CDH12: variants seen among roughly 807,000 people sequenced by gnomAD.
CDH12 encodes the protein cadherin 12.
CDH12 carries 41 observed loss-of-function variants against 74.1 expected under a neutral mutation model. The ratio of observed to expected loss-of-function variants is 0.55; its 90% CI spans 0.43 to 0.72. CDH12 has a LOEUF of 0.72. CDH12 is among the 30% of genes least tolerant of loss of function. The pLI is 0.00. For missense variants in CDH12, 945 were observed against 977.2 expected, an observed-to-expected ratio of 0.97 and a Z score of 0.44; for synonymous variants, 399 against 355.0, an observed-to-expected ratio of 1.12 and a Z score of -1.39.
At chr5:22,842,743 A>C (rs1378812116) in intron 1 of CDH12, among the ~76,000 whole-genome samples, 1 of 152,136 alleles carries the variant, frequency 6.6e-6, no homozygotes, top group Non-Finnish European at 1.5e-5. Context: ...CCAGAAACAA[A>C]GAAAGGTTGG....
At chr5:21,819,595 T>A (rs1748252368) in intron 8 of CDH12, among the ~76,000 whole-genome samples, 1 of 151,846 alleles carries the variant, frequency 6.6e-6, no homozygotes, top group Non-Finnish European at 1.5e-5. Flanking sequence ...AAGTCTAAAT[T>A]TTTTTTCTAA....
At chr5:22,321,551 G>A (rs113410639) in intron 3 of CDH12, among the ~76,000 whole-genome samples, 1,983 of 144,752 alleles carry the variant, frequency 0.014, 24 homozygotes, top group Middle Eastern at 0.021. Flanking sequence ...GCTAGATGAC[G>A]AGTTAGTGGG....
chr5:22,376,757 A>G (rs1257636737), intron 3 of CDH12, among the ~76,000 whole-genome samples: 1 of 149,414 alleles, frequency 6.7e-6, no homozygotes, highest in African/African-American at 2.5e-5. Flanking sequence ...TCCTGGGCTC[A>G]AGTGATCCTG....
rs545152677 is a variant in CDH12, at chr5:21,826,936, C to T, written c.815-9804G>A. The stretch of plus-strand genomic sequence containing the variant: ...ATAGGGAGAAAAAACAGGTATGAGC[C>T]CTAATGTTCAGGGTCTGTTCATTGC... On this transcript the variant is annotated intron_variant, in intron 8 of 14. Transcript: ENST00000382254. Among the ~76,000 whole-genome samples, 5 of 152,020 alleles carry T rather than the reference C, an allele frequency of 3.3e-5. No homozygotes were observed. In the South Asian group the frequency reaches 1.0e-3, roughly 32 times the overall value.
At chr5:22,804,388 G>A (rs1016828184) in intron 1 of CDH12, among the ~76,000 whole-genome samples, 1 of 152,070 alleles carries the variant, frequency 6.6e-6, no homozygotes, top group African/African-American at 2.4e-5. Context: ...CTGCCTGTGA[G>A]AGAGAGAAGG....
intron 1 of CDH12, among the ~76,000 whole-genome samples, chr5:22,555,352 G>C (rs555095315): frequency 6.6e-6 from 1 of 151,906 alleles, no homozygotes; most frequent in African/African-American, 2.4e-5. Flanking sequence ...AATCTTTCTT[G>C]TATGCTTCAT....
chr5:22,500,045 C>T (rs1045158929), intron 2 of CDH12, among the ~76,000 whole-genome samples: 1 of 152,144 alleles, frequency 6.6e-6, no homozygotes, highest in African/African-American at 2.4e-5. Context: ...ATTTCCTGCA[C>T]TGTCTTGGCA....
At chr5:22,727,364 TTCTA>T (rs1379431209) in intron 1 of CDH12, among the ~76,000 whole-genome samples, 8 of 151,784 alleles carry the variant, frequency 5.3e-5, no homozygotes, top group African/African-American at 1.9e-4. Flanking sequence ...TTTTTACTCC[TTCTA>T]TCTTATTATT....
At chr5:22,842,420 T>TGCCCATGAAAGACATGGCC (rs1371439757) in intron 1 of CDH12, among the ~76,000 whole-genome samples, 1 of 152,140 alleles carries the variant, frequency 6.6e-6, no homozygotes, top group Admixed American at 6.6e-5. Context: ...AATACATGGC[T>TGCCCATGAAAGACATGGCC]GCCCATGAAA....
intron 3 of CDH12, among the ~76,000 whole-genome samples, chr5:22,277,216 G>A (rs2150404098): frequency 6.6e-6 from 1 of 152,290 alleles, no homozygotes; most frequent in Middle Eastern, 3.4e-3. Context: ...CTCTGCCAAG[G>A]TTGGCTCTGC....
chr5:21,872,783 GATCTATCTATCTATCT>G (rs60717134), intron 6 of CDH12, among the ~76,000 whole-genome samples: 157 of 142,124 alleles, frequency 1.1e-3, no homozygotes, highest in Middle Eastern at 3.6e-3. Flanking sequence ...TTAAGAGTAA[GATCTATCTATCTATCT>G]ATCTATCTAT....
intron 1 of CDH12, among the ~76,000 whole-genome samples, chr5:22,781,148 T>C (rs906402102): frequency 3.9e-5 from 6 of 152,188 alleles, no homozygotes; most frequent in African/African-American, 1.2e-4. Flanking sequence ...AAATATAAAG[T>C]GTGCATTCCA....
intron 2 of CDH12, among the ~76,000 whole-genome samples, chr5:22,489,805 A>G: frequency 6.7e-6 from 1 of 148,520 alleles, no homozygotes; most frequent in Non-Finnish European, 1.5e-5. Flanking sequence ...CTCCTTCCTC[A>G]GCCTCTGGAT....
At chr5:22,465,345 A>T (rs951797142) in intron 2 of CDH12, among the ~76,000 whole-genome samples, 2 of 152,164 alleles carry the variant, frequency 1.3e-5, no homozygotes, top group Admixed American at 6.5e-5. Flanking sequence ...TAGATGACTC[A>T]TAAAGATCCT....
At chr5:22,559,315 A>G (rs1485883255) in intron 1 of CDH12, among the ~76,000 whole-genome samples, 2 of 152,132 alleles carry the variant, frequency 1.3e-5, no homozygotes, top group East Asian at 3.9e-4. Context: ...TGTACACTTA[A>G]AATGGGAAAG....
At chr5:22,809,277 G>C (rs1379714439) in intron 1 of CDH12, among the ~76,000 whole-genome samples, 1 of 151,898 alleles carries the variant, frequency 6.6e-6, no homozygotes, top group Non-Finnish European at 1.5e-5. Flanking sequence ...AACTTTATCT[G>C]TTTCTATCAC....
intron 7 of CDH12, among the ~76,000 whole-genome samples, chr5:21,853,887 A>G (rs1366840238): frequency 2.0e-5 from 3 of 151,666 alleles, no homozygotes; most frequent in African/African-American, 7.2e-5. Context: ...TGTAGTGTAT[A>G]AGTATTGACA....
At chr5:22,471,283 T>C (rs1745948115) in intron 2 of CDH12, among the ~76,000 whole-genome samples, 3 of 152,316 alleles carry the variant, frequency 2.0e-5, no homozygotes, top group Non-Finnish European at 4.4e-5. Context: ...TGTATGTATA[T>C]GCATTTCTGC....
intron 3 of CDH12, among the ~76,000 whole-genome samples, chr5:22,328,623 G>A (rs1377690273): frequency 6.6e-6 from 1 of 152,202 alleles, no homozygotes. Flanking sequence ...GCAGATTGGA[G>A]AGCCATTTGT....
Sources: allele counts gnomAD v4.1 joint callset (sites outside exome capture counted in the v4.1 genomes callset), GRCh38; gene constraint gnomAD v4.1.1; transcripts MANE v1.5; gene names NCBI Gene and HGNC (gene_info 2026-07-23, HGNC 2026-07-21).